Variants in WASL observed in about 807,000 individuals in gnomAD.
The protein encoded by WASL is actin nucleation-promoting factor WASL.
In WASL, 20 loss-of-function variants were observed where a neutral mutation model predicts 55.5. The ratio of observed to expected loss-of-function variants is 0.36; its 90% CI spans 0.25 to 0.52. The LOEUF is 0.52. WASL is among the 20% of genes least tolerant of loss of function. The pLI is 0.92. For missense variants in WASL, 504 were observed against 622.5 expected, an observed-to-expected ratio of 0.81 and a Z score of 2.03; for synonymous variants, 249 against 217.6, an observed-to-expected ratio of 1.14 and a Z score of -1.27.
chr7:123,688,425 A>T (rs1336553624), intron 10 of WASL, among the ~76,000 whole-genome samples: 1 of 152,004 alleles, frequency 6.6e-6, no homozygotes, highest in African/African-American at 2.4e-5. Context: ...CAATGGTGCG[A>T]TCTTGGCTCA....
intron 1 of WASL, among the ~76,000 whole-genome samples, chr7:123,743,917 G>A (rs1013886088): frequency 2.6e-5 from 4 of 152,298 alleles, no homozygotes; most frequent in African/African-American, 4.8e-5. Context: ...TTACAGCTAC[G>A]CTGCGTCACA....
At chr7:123,709,571 G>A (rs181577809) in intron 1 of WASL, among the ~76,000 whole-genome samples, 1 of 152,116 alleles carries the variant, frequency 6.6e-6, no homozygotes, top group Admixed American at 6.6e-5. Context: ...ACACTAAAGG[G>A]GTTAATTTGC....
chr7:123,735,788 G>A (rs1804218918), intron 1 of WASL, among the ~76,000 whole-genome samples: 1 of 152,030 alleles, frequency 6.6e-6, no homozygotes, highest in African/African-American at 2.4e-5. Context: ...GGAGGACAGG[G>A]AGGAAAAAAT....
intron 9 of WASL, 41 bp downstream of exon 9, chr7:123,692,306 T>C (rs1248960961): frequency 5.1e-6 from 8 of 1,569,714 alleles, no homozygotes; most frequent in East Asian, 2.2e-5. Flanking sequence ...AATTCCATTA[T>C]GATAAAGGAT....
chr7:123,712,728 C>A (rs1584864549), intron 1 of WASL, among the ~76,000 whole-genome samples: 1 of 152,148 alleles, frequency 6.6e-6, no homozygotes, highest in Admixed American at 6.5e-5. Context: ...GCCATTACTA[C>A]CTCTATATAT....
chr7:123,737,987 AAAAC>A (rs1804266766), intron 1 of WASL, among the ~76,000 whole-genome samples: 1 of 152,220 alleles, frequency 6.6e-6, no homozygotes, highest in Non-Finnish European at 1.5e-5. Context: ...CACTAAGACA[AAAAC>A]AAATAATCCA....
rs1804489074 is a variant in WASL, at chr7:123,748,709, G to GGCGGCT, written c.20_25dup (p.Gln7_Pro8dup). On this transcript the variant is annotated inframe_insertion, in exon 1 of 11. Coordinates refer to ENST00000223023, the MANE Select transcript of WASL (RefSeq NM_003941.4). ...CACGTTGGTGACCCTCCGCGGCGGC[G>GGCGGCT]GCGGCTGCTGCTGGACGGAGCTCAT... 1 of 1,606,708 alleles carries GGCGGCT rather than the reference G, an allele frequency of 6.2e-7. No homozygotes were observed. The highest frequency in any genetic ancestry group is 1.1e-5 in the South Asian group (1 of 90,220).
chr7:123,686,519 G>A (rs1242961126), intron 10 of WASL, among the ~76,000 whole-genome samples: 1 of 151,878 alleles, frequency 6.6e-6, no homozygotes, highest in Non-Finnish European at 1.5e-5. Flanking sequence ...AAATGGGTCT[G>A]AAAATAAGTA....
intron 1 of WASL, among the ~76,000 whole-genome samples, chr7:123,712,503 CA>C (rs1403117827): frequency 5.9e-5 from 9 of 151,994 alleles, no homozygotes; most frequent in Admixed American, 5.9e-4. Context: ...AAAAAAATAA[CA>C]TGCATGTATA....
chr7:123,710,478 C>T (rs1017197479), intron 1 of WASL, among the ~76,000 whole-genome samples: 2 of 151,784 alleles, frequency 1.3e-5, no homozygotes, highest in Non-Finnish European at 2.9e-5. Flanking sequence ...TGAGGGGTGC[C>T]CTTTTTTGGT....
chr7:123,692,900 T>G (rs755094771), intron 8 of WASL, 33 bp from the exon 9 acceptor site: 1 of 1,341,358 alleles, frequency 7.5e-7, no homozygotes, highest in South Asian at 2.7e-5. Flanking sequence ...GAAGGCATGC[T>G]TTTTTCTTCT....
At chr7:123,718,659 T>G (rs925591174) in intron 1 of WASL, among the ~76,000 whole-genome samples, 3 of 152,184 alleles carry the variant, frequency 2.0e-5, no homozygotes, top group Non-Finnish European at 4.4e-5. Context: ...TCTCCCAAAG[T>G]GCTGGGATTA....
At chr7:123,716,964 C>T (rs924977008) in intron 1 of WASL, among the ~76,000 whole-genome samples, 1 of 152,262 alleles carries the variant, frequency 6.6e-6, no homozygotes, top group South Asian at 2.1e-4. Context: ...TAATTCTATA[C>T]TCAACATACA....
intron 1 of WASL, among the ~76,000 whole-genome samples, chr7:123,720,911 TG>T (rs1270283298): frequency 6.6e-6 from 1 of 151,958 alleles, no homozygotes; most frequent in Admixed American, 6.6e-5. Flanking sequence ...CACATTATGG[TG>T]CAAGTCTGAA....
At chr7:123,709,917 T>C (rs1031610524) in intron 1 of WASL, among the ~76,000 whole-genome samples, 2 of 152,156 alleles carry the variant, frequency 1.3e-5, no homozygotes, top group Non-Finnish European at 2.9e-5. Context: ...TGAGTGACTA[T>C]TGTCTCAATT....
chr7:123,704,167 T>C (rs1189167449), intron 5 of WASL, among the ~76,000 whole-genome samples: 1 of 152,210 alleles, frequency 6.6e-6, no homozygotes, highest in Non-Finnish European at 1.5e-5. Context: ...GGTGTTCATT[T>C]TGAAAGGGGC....
At chr7:123,706,134 A>C (rs967995876) in intron 4 of WASL, 143 bp downstream of exon 4, 10 of 763,926 alleles carry the variant, frequency 1.3e-5, no homozygotes, top group African/African-American at 5.3e-5. Context: ...TGTTGTGACA[A>C]AAAATAGCCA....
At chr7:123,734,574 C>A in intron 1 of WASL, among the ~76,000 whole-genome samples, 1 of 99,880 alleles carries the variant, frequency 1.0e-5, no homozygotes, top group African/African-American at 3.9e-5. Context: ...CTGGAAAAGG[C>A]AACACTATAG....
At chr7:123,739,621 C>T (rs1486264726) in intron 1 of WASL, among the ~76,000 whole-genome samples, 2 of 152,102 alleles carry the variant, frequency 1.3e-5, no homozygotes. Context: ...GTTCTGAGCA[C>T]ATTTAAGGAA....
Sources: allele counts gnomAD v4.1 joint callset (sites outside exome capture counted in the v4.1 genomes callset), GRCh38; gene constraint gnomAD v4.1.1; transcripts MANE v1.5; gene names NCBI Gene and HGNC (gene_info 2026-07-23, HGNC 2026-07-21).